IGF2R: variants seen among roughly 807,000 people sequenced by gnomAD.
The protein encoded by IGF2R is insulin like growth factor 2 receptor.
In IGF2R, 91 loss-of-function variants were observed where a neutral mutation model predicts 270.6. The observed-to-expected ratio is 0.34, with a 90% CI of 0.28 to 0.40. The LOEUF (loss-of-function observed/expected upper bound fraction) is 0.40. Ranked by LOEUF, IGF2R falls within the 10% of genes least tolerant of loss-of-function variation. The pLI is 1.00. For missense variants in IGF2R, 2,805 were observed against 3,188.3 expected (o/e 0.88, Z 2.90); for synonymous variants, 1,316 against 1,258.9 (o/e 1.05, Z -0.96).
Position 160,073,269 on chromosome 6 carries a change from T to A in IGF2R, c.4747T>A (p.Tyr1583Asn). The change falls in exon 34 of 48, where the codon TAC becomes AAC. Residue 1583 changes from tyrosine to asparagine, a missense_variant. By Grantham distance (143) the Tyr-to-Asn change is moderately radical (BLOSUM62 -2). This residue lies in a region of IGF2R where 1,851 missense variants were observed against 2,207.2 expected (regional missense o/e 0.84). Coordinates refer to ENST00000356956, the MANE Select transcript of IGF2R (RefSeq NM_000876.4). Reference protein sequence around the residue: ...SVGKANKRLRYVDQVLQLVYK... With the variant: ...SVGKANKRLRNVDQVLQLVYK... ...GGGCAAGGCCAACAAGAGGCTGAGA[T>A]ACGTGGACCAGGTCCTGCAGCTGGT... 1 of 1,614,262 alleles carries A rather than the reference T, an allele frequency of 6.2e-7. No homozygotes were observed.
chr6:160,037,427 A>C (rs1185608232), intron 10 of IGF2R, among the ~76,000 whole-genome samples: 1 of 152,254 alleles, frequency 6.6e-6, no homozygotes, highest in African/African-American at 2.4e-5. Context: ...TTTTTGGAGA[A>C]TATCCCTTGG....
At chr6:160,078,659 G>A (rs1009114918) in intron 37 of IGF2R, among the ~76,000 whole-genome samples, 1 of 152,200 alleles carries the variant, frequency 6.6e-6, no homozygotes, top group Non-Finnish European at 1.5e-5. Flanking sequence ...CAGACAGAGG[G>A]CAGGTGGGGC....
At chr6:160,034,666 C>T (rs1390850838) in intron 10 of IGF2R, 144 bp downstream of exon 10, 1 of 526,708 alleles carries the variant, frequency 1.9e-6, no homozygotes, top group African/African-American at 1.9e-5. Context: ...AGCCCCCAGA[C>T]TGGGTTTTTT....
chr6:160,022,414 C>T (rs1336980982), intron 4 of IGF2R, among the ~76,000 whole-genome samples: 3 of 152,164 alleles, frequency 2.0e-5, no homozygotes, highest in Non-Finnish European at 4.4e-5. Context: ...CAAAGAGGCA[C>T]CCCCTTAAAG....
At chr6:160,057,576 G>A (rs1209011934) in intron 20 of IGF2R, among the ~76,000 whole-genome samples, 1 of 152,186 alleles carries the variant, frequency 6.6e-6, no homozygotes, top group Admixed American at 6.5e-5. Context: ...GAGGCCCAGG[G>A]CAAAGTTAAA....
chr6:160,013,411 A>T (rs1057408576), intron 4 of IGF2R, among the ~76,000 whole-genome samples: 12 of 98,100 alleles, frequency 1.2e-4, no homozygotes, highest in East Asian at 4.8e-4. Flanking sequence ...GGTTCTTTGT[A>T]AAAAAAAAAA....
intron 45 of IGF2R, among the ~76,000 whole-genome samples, chr6:160,098,692 A>G (rs1453443607): frequency 2.0e-5 from 3 of 152,024 alleles, no homozygotes; most frequent in Non-Finnish European, 4.4e-5. Flanking sequence ...GGTGGTGCAC[A>G]CCTGTAATCG....
At chr6:160,086,304 G>A (rs1025248488) in intron 41 of IGF2R, among the ~76,000 whole-genome samples, 1 of 152,224 alleles carries the variant, frequency 6.6e-6, no homozygotes, top group South Asian at 2.1e-4. Context: ...TGACCGGAAC[G>A]AGAAATAATC....
At chr6:160,045,400 C>T (rs1778045885) in intron 13 of IGF2R, among the ~76,000 whole-genome samples, 2 of 152,068 alleles carry the variant, frequency 1.3e-5, no homozygotes, top group African/African-American at 2.4e-5. Flanking sequence ...GTAAAATGTA[C>T]CATCCTAACT....
intron 30 of IGF2R, among the ~76,000 whole-genome samples, chr6:160,068,709 A>G (rs1469007517): frequency 1.8e-3 from 214 of 119,874 alleles, no homozygotes; most frequent in Middle Eastern, 5.9e-3. Context: ...TCCTCGTGGG[A>G]TGGTGTTTGC....
chr6:160,052,120 T>C (rs1402208970), intron 19 of IGF2R, among the ~76,000 whole-genome samples: 9 of 152,154 alleles, frequency 5.9e-5, no homozygotes, highest in Admixed American at 2.6e-4. Context: ...GAGGATCACT[T>C]GAGCCCAGGA....
At chr6:159,975,005 A>T (rs554529574) in intron 1 of IGF2R, among the ~76,000 whole-genome samples, 6 of 152,254 alleles carry the variant, frequency 3.9e-5, no homozygotes, top group Admixed American at 3.9e-4. Context: ...TCCGTAATCA[A>T]ATGTGTGGTC....
rs776385309 is a variant in IGF2R at position 160,061,758 on chromosome 6, G to A, written c.3412G>A (p.Ala1138Thr). 7 of 1,614,018 alleles carry A rather than the reference G, an allele frequency of 4.3e-6. No individual in the cohort carries two copies. The highest frequency in any genetic ancestry group is 2.2e-5 in the East Asian group (1 of 44,892). The change falls in exon 25 of 48, where the codon GCA (alanine) becomes ACA (threonine). Residue 1138 changes from alanine to threonine, a missense_variant. Transcript: ENST00000356956. ...LPYIPGCQGS[A>T]VGSCLVSEGN... ...CACTTATTCTGTTCTTCCAGGCAGC[G>A]CAGTGGGGTCTTGCTTAGTGTCAGA...
Position 160,088,031 on chromosome 6 carries a change from A to T in IGF2R, c.6206-2A>T. 1.3e-6 allele frequency: 2 copies of T among 1,571,448 alleles called. No homozygotes were observed. The highest frequency in any genetic ancestry group is 1.8e-6 in the Non-Finnish European group (2 of 1,141,026). On this transcript the variant is annotated splice_acceptor_variant, in intron 41 of 47. Transcript: ENST00000356956. LOFTEE classifies it high-confidence loss of function. The stretch of plus-strand genomic sequence containing the variant: ...GTCAGTTCAATCATTTGTGTGTTTC[A>T]GGTGACAAAGTTGTTGTCACGTACT...
In IGF2R at chr6:160,105,139, C is replaced by G. The variant is rs899967031; in HGVS notation, c.*55C>G. 7.3e-7 allele frequency: 1 copy of G among 1,369,080 alleles called. No homozygotes were observed. The highest frequency in any genetic ancestry group is 9.8e-7 in the Non-Finnish European group (1 of 1,021,874). The allele number at this position is 1,369,080 out of a possible 1,614,324, so 84.8% of individuals were successfully genotyped here. ...CCGCGGGACAGCCAAGCACCTCCAA[C>G]CAAATAAGACTTCCACTCGATGATG... On this transcript the variant is annotated 3_prime_UTR_variant, in exon 48 of 48. Transcript: ENST00000356956.
intron 8 of IGF2R, 91 bp downstream of exon 8, chr6:160,032,804 A>G (rs552958975): frequency 2.1e-6 from 3 of 1,461,764 alleles, no homozygotes; most frequent in Admixed American, 3.7e-5. Flanking sequence ...CAGTCCATGC[A>G]TGCTTCTGGG....
At chr6:160,016,403 C>T (rs1011243366) in intron 4 of IGF2R, among the ~76,000 whole-genome samples, 4 of 152,220 alleles carry the variant, frequency 2.6e-5, no homozygotes, top group African/African-American at 9.6e-5. Context: ...CCTCAATCTG[C>T]CTTGCTGGCA....
rs1779664194 is a variant in IGF2R, at chr6:160,108,198, G to C, written c.*3114G>C. The stretch of plus-strand genomic sequence containing the variant: ...TCCGGTTCCACTCTGTTGACTAGTA[G>C]TTGGCCTCTTGAGCCATACTTGCTG... On this transcript the variant is annotated 3_prime_UTR_variant, in exon 48 of 48. Transcript: ENST00000356956. 1 of 152,328 alleles carries C rather than the reference G, an allele frequency of 6.6e-6. No individual in the cohort carries two copies. The highest frequency in any genetic ancestry group is 2.1e-4 in the South Asian group (1 of 4,824). The allele number at this position is 152,328 out of a possible 1,614,324, so 9.4% of individuals were successfully genotyped here. A position where few individuals can be genotyped will look rare whatever the true frequency, so the allele number is the denominator to read the frequency against.
Position 160,084,985 on chromosome 6 carries a change from C to A in IGF2R, c.6069-10C>A. 6.2e-7 allele frequency: 1 copy of A among 1,607,934 alleles called. No individual in the cohort carries two copies. The highest frequency in any genetic ancestry group is 1.1e-5 in the South Asian group (1 of 90,892). ...ATGCCTTTTACCTGCCCCTTTGTGT[C>A]GTTTTCTAGGTACTATATAAATCTG... On this transcript the variant is annotated splice_polypyrimidine_tract_variant and intron_variant, in intron 40 of 47. Coordinates refer to ENST00000356956, the MANE Select transcript of IGF2R (RefSeq NM_000876.4). This position sits in a 1 kb window ranked among gnomAD's most constrained non-coding sequence, Gnocchi z 4.6.
Sources: gnomAD v4.1 joint callset for allele counts (sites outside exome capture counted in the v4.1 genomes callset) on GRCh38, gnomAD v4.1.1 for gene constraint, gnomAD v4.1.1 regional missense constraint, Gnocchi (gnomAD v3.1) non-coding constraint, MANE v1.5 for transcripts, NCBI Gene and HGNC (gene_info 2026-07-23, HGNC 2026-07-21) for gene names.